Variants in SLC13A1 observed in about 807,000 individuals in gnomAD.
SLC13A1 encodes Na(+)/sulfate cotransporter.
Under a neutral mutation model 70.0 loss-of-function variants are expected in SLC13A1, and 65 were observed. The ratio of observed to expected loss-of-function variants is 0.93; its 90% CI spans 0.76 to 1.14. The LOEUF (loss-of-function observed/expected upper bound fraction) is 1.14. SLC13A1 is among the 50% of genes most tolerant of loss of function. The pLI is 0.00. For synonymous variants in SLC13A1, 275 were observed against 250.5 expected (o/e 1.10, Z -0.92); for missense variants, 726 against 717.8 (o/e 1.01, Z -0.13).
At chr7:123,174,536 A>C (rs887000663) in intron 2 of SLC13A1, among the ~76,000 whole-genome samples, 4 of 151,958 alleles carry the variant, frequency 2.6e-5, no homozygotes, top group African/African-American at 9.7e-5. Context: ...TTTACACATG[A>C]CTACCTTGAT....
chr7:123,153,057 C>T (rs990878741), intron 6 of SLC13A1, among the ~76,000 whole-genome samples: 5 of 151,966 alleles, frequency 3.3e-5, no homozygotes, highest in South Asian at 4.1e-4. Context: ...CACCTTAAAA[C>T]TTTCAAAAAT....
At chr7:123,183,266 A>G (rs1795696034) in intron 1 of SLC13A1, among the ~76,000 whole-genome samples, 1 of 152,138 alleles carries the variant, frequency 6.6e-6, no homozygotes, top group South Asian at 2.1e-4. Flanking sequence ...GCTTAATTTG[A>G]GTCAAGATTT....
At chr7:123,142,099 T>A (rs1794173717) in intron 7 of SLC13A1, among the ~76,000 whole-genome samples, 1 of 152,266 alleles carries the variant, frequency 6.6e-6, no homozygotes, top group Non-Finnish European at 1.5e-5. Context: ...TTTTCATGTA[T>A]AGGGTAAGGC....
At position 123,180,984 on chromosome 7, in the gene SLC13A1, G is replaced by T. The variant is rs375315064; in HGVS notation, c.217C>A (p.Pro73Thr). The T allele has an allele frequency of 1.1e-5, 18 of 1,611,296 alleles. No homozygotes were observed. Among genetic ancestry groups the T allele is most frequent in the Non-Finnish European group, 1.3e-5 (15 of 1,178,352 alleles). ...SLMLPMFGIMPSKKVASAYFK... is the reference protein window; with the variant it reads ...SLMLPMFGIMTSKKVASAYFK... ...GCAAGAGGACTTACCTTCTTAGAAG[G>T]CATGATCCCAAACATGGGTAACATT... Residue 73 changes from proline (P) to threonine (T), a missense_variant, in exon 2 of 15, where the codon CCT becomes ACT. Physicochemically the swap from Pro to Thr is conservative, Grantham distance 38. Transcript: ENST00000194130.
intron 6 of SLC13A1, among the ~76,000 whole-genome samples, chr7:123,166,208 G>A (rs1795070169): frequency 6.6e-6 from 1 of 151,976 alleles, no homozygotes; most frequent in African/African-American, 2.4e-5. Context: ...TTCATCAAAA[G>A]ACCTGCCTAC....
intron 1 of SLC13A1, among the ~76,000 whole-genome samples, chr7:123,196,965 A>G (rs975552777): frequency 6.6e-6 from 1 of 152,154 alleles, no homozygotes; most frequent in African/African-American, 2.4e-5. Context: ...CTGAGCATCA[A>G]TTCCCTCAAA....
intron 8 of SLC13A1, among the ~76,000 whole-genome samples, chr7:123,132,458 G>C (rs1188180550): frequency 1.3e-5 from 2 of 151,868 alleles, no homozygotes; most frequent in African/African-American, 4.8e-5. Context: ...TGCAACCTCC[G>C]CCTCCCAGGT....
chr7:123,172,727 C>T (rs555116785), intron 2 of SLC13A1, among the ~76,000 whole-genome samples: 1 of 152,236 alleles, frequency 6.6e-6, no homozygotes, highest in Non-Finnish European at 1.5e-5. Context: ...GGACCTAGAA[C>T]TTTAAGCAAC....
chr7:123,148,490 T>C (rs1232306291), intron 6 of SLC13A1: 1 of 453,668 alleles, frequency 2.2e-6, no homozygotes, highest in Admixed American at 2.4e-5. Context: ...GATGACTTTC[T>C]AGGGTGTAAG....
intron 1 of SLC13A1, among the ~76,000 whole-genome samples, chr7:123,186,300 G>A (rs1285029867): frequency 6.6e-6 from 1 of 151,984 alleles, no homozygotes; most frequent in East Asian, 1.9e-4. Flanking sequence ...ACTTTTGGTG[G>A]ACAAGTTCTT....
At position 123,125,582 on chromosome 7, in the gene SLC13A1, AGGTG is replaced by A. The variant is rs1239255522; in HGVS notation, c.1223_1226del (p.Thr408IlefsTer13). On this transcript the variant is annotated frameshift_variant, in exon 11 of 15. Transcript: ENST00000194130. LOFTEE classifies it high-confidence loss of function. ...ATGATACTCAACCAATTTCTCCTGT[AGGTG>A]TAGTTTTAGTCAGTGTCTTAGCTGG... is the stretch of plus-strand genomic sequence containing the variant. 6.2e-7 allele frequency: 1 copy of A among 1,606,224 alleles called. No individual in the cohort carries two copies. Among genetic ancestry groups the A allele is most frequent in the Non-Finnish European group, 8.5e-7 (1 of 1,175,280 alleles).
intron 1 of SLC13A1, among the ~76,000 whole-genome samples, chr7:123,194,192 C>T (rs966315828): frequency 2.6e-5 from 4 of 152,060 alleles, no homozygotes; most frequent in Non-Finnish European, 5.9e-5. Context: ...ATCCATGATG[C>T]AATGAGAGCA....
intron 6 of SLC13A1, among the ~76,000 whole-genome samples, chr7:123,153,711 G>T (rs1023314510): frequency 2.0e-5 from 3 of 152,046 alleles, no homozygotes; most frequent in Admixed American, 6.6e-5. Context: ...CTAGATAGTA[G>T]TTTCAGCCTA....
chr7:123,114,874 T>C lies in SLC13A1; in HGVS notation c.*644A>G, dbSNP rs1793128254. Reference sequence around the variant, plus strand: ...TTCAGTAGAAATAAATTCTTATCTGTAACTTTTCTGTTATTTAGTATATTC... The same window carrying C: ...TTCAGTAGAAATAAATTCTTATCTGCAACTTTTCTGTTATTTAGTATATTC... On this transcript the variant is annotated 3_prime_UTR_variant, in exon 15 of 15. Coordinates refer to ENST00000194130, the MANE Select transcript of SLC13A1 (RefSeq NM_022444.4). The C allele has an allele frequency of 1.3e-5, 2 of 152,192 alleles. No individual in the cohort carries two copies. Among genetic ancestry groups the C allele is most frequent in the African/African-American group, 4.8e-5 (2 of 41,452 alleles). The allele number at this position is 152,192 out of a possible 1,614,324, so 9.4% of individuals were successfully genotyped here. A position where few individuals can be genotyped will look rare whatever the true frequency, so the allele number is the denominator to read the frequency against.
At chr7:123,133,970 TG>T (rs1282462496) in intron 8 of SLC13A1, among the ~76,000 whole-genome samples, 13 of 152,164 alleles carry the variant, frequency 8.5e-5, no homozygotes, top group Non-Finnish European at 1.9e-4. Flanking sequence ...CTTGAGTAGC[TG>T]GGACCAGAGG....
In SLC13A1 at chr7:123,114,588, A is replaced by G. The variant is rs1793119968; in HGVS notation, c.*930T>C. The stretch of plus-strand genomic sequence containing the variant: ...ATGTGATTTTTCTGTCTGTATACAC[A>G]GTGATAATTCATTTAGATTTCTACA... On this transcript the variant is annotated 3_prime_UTR_variant, in exon 15 of 15. Transcript: ENST00000194130. The G allele has an allele frequency of 6.6e-6, 1 of 152,032 alleles. No homozygotes were observed. Among genetic ancestry groups the G allele is most frequent in the Middle Eastern group, 3.2e-3 (1 of 316 alleles). The allele number at this position is 152,032 out of a possible 1,614,324, so 9.4% of individuals were successfully genotyped here. A position where few individuals can be genotyped will look rare whatever the true frequency, so the allele number is the denominator to read the frequency against.
At chr7:123,125,474 C>T in intron 11 of SLC13A1, 95 bp downstream of exon 11, 1 of 867,902 alleles carries the variant, frequency 1.2e-6, no homozygotes, top group Non-Finnish European at 1.9e-6. Context: ...CCAGCATAGA[C>T]TTTCTTTCTG....
intron 6 of SLC13A1, chr7:123,148,335 C>T (rs981479331): frequency 1.2e-5 from 4 of 332,976 alleles, no homozygotes; most frequent in South Asian, 9.3e-5. Flanking sequence ...ATCCTGGCCT[C>T]ACAGATTTTT....
chr7:123,195,507 C>T (rs990264132), intron 1 of SLC13A1, among the ~76,000 whole-genome samples: 1 of 151,816 alleles, frequency 6.6e-6, no homozygotes, highest in South Asian at 2.1e-4. Flanking sequence ...ACTTCTCGAC[C>T]TACCACTTCC....
Sources: gnomAD v4.1 joint callset for allele counts (sites outside exome capture counted in the v4.1 genomes callset) on GRCh38, gnomAD v4.1.1 for gene constraint, MANE v1.5 for transcripts, NCBI Gene and HGNC (gene_info 2026-07-23, HGNC 2026-07-21) for gene names.